NOTCH3: variants seen among roughly 807,000 people sequenced by gnomAD.
The protein encoded by NOTCH3 is neurogenic locus notch homolog protein 3.
NOTCH3 carries 86 observed loss-of-function variants against 213.3 expected under a neutral mutation model. The ratio of observed to expected loss-of-function variants is 0.40; its 90% CI spans 0.34 to 0.48. The LOEUF (loss-of-function observed/expected upper bound fraction) is 0.48. Among genes scored for constraint, NOTCH3 ranks in the 20% least tolerant of loss-of-function variants. The probability of loss-of-function intolerance (pLI) is 0.57; values close to 1 mark genes in which losing one functional copy is unlikely to be tolerated. For synonymous variants in NOTCH3, 1,354 were observed against 1,355.9 expected (o/e 1.00, Z 0.03); for missense variants, 2,783 against 3,272.6 (o/e 0.85, Z 3.65).
At position 15,177,906 on chromosome 19, in the gene NOTCH3, G is replaced by T; in HGVS notation, c.4022C>A (p.Ala1341Asp). 3.1e-6 allele frequency: 4 copies of T among 1,271,100 alleles called. No individual in the cohort carries two copies. The highest frequency in any genetic ancestry group is 4.0e-6 in the Non-Finnish European group (4 of 1,012,260). The allele number at this position is 1,271,100 out of a possible 1,614,324, so 78.7% of individuals were successfully genotyped here. The change falls in exon 24 of 33, where the codon GCC becomes GAC. Residue 1341 changes from alanine (A) to aspartate (D), a missense_variant. Transcript: ENST00000263388. ...PPGASNASCA[A>D]APCLHGGSCR... ...GGAGCCCCCGTGGAGACAGGGGGCG[G>T]CCGCGCAGCTGGCGTTGCTGGCCCC...
intron 2 of NOTCH3, among the ~76,000 whole-genome samples, chr19:15,193,995 T>C (rs935798287): frequency 1.3e-5 from 2 of 151,406 alleles, no homozygotes; most frequent in African/African-American, 4.9e-5. Flanking sequence ...GACAGAAGAA[T>C]TGCTTGAACC....
Position 15,174,471 on chromosome 19 carries a change from C to T in NOTCH3, c.4404-71G>A, listed in dbSNP as rs556931418. 1,991 of 1,130,470 alleles carry T rather than the reference C, an allele frequency of 1.8e-3. 25 individuals are homozygous for T. In the African/African-American group the frequency reaches 0.026, roughly 15 times the overall value. The allele number at this position is 1,130,470 out of a possible 1,614,324, so 70.0% of individuals were successfully genotyped here. On this transcript the variant is annotated intron_variant, in intron 24 of 32. Coordinates refer to ENST00000263388, the MANE Select transcript of NOTCH3 (RefSeq NM_000435.3). The stretch of plus-strand genomic sequence containing the variant: ...AGGAGACAATCCCCTTCCATGCATT[C>T]ACACCGTAGAGTACAGAGACTCCAG...
rs2145392023 is a variant in NOTCH3 at position 15,165,867 on chromosome 19, C to T, written c.5587G>A (p.Ala1863Thr). 1 of 1,614,026 alleles carries T rather than the reference C, an allele frequency of 6.2e-7. No individual in the cohort carries two copies. The highest frequency in any genetic ancestry group is 1.3e-5 in the African/African-American group (1 of 75,016). ...DAAKRLLDAG[A>T]DTNAQDHSGR... is the part of the protein sequence containing the mutation. ...GAGTGGTCCTGGGCATTGGTGTCTG[C>T]CCCAGCATCCAGCAGCCGCTTGGCT... The change falls in exon 30 of 33, where the codon GCA becomes ACA. Residue 1863 changes from alanine to threonine, a missense_variant. Physicochemically the swap from Ala to Thr is moderately conservative, Grantham distance 58. This residue lies in a region of NOTCH3 where 636 missense variants were observed against 801.8 expected (regional missense o/e 0.79). Coordinates refer to ENST00000263388, the MANE Select transcript of NOTCH3 (RefSeq NM_000435.3). This position sits in a 1 kb window ranked among gnomAD's most constrained non-coding sequence, Gnocchi z 4.7.
chr19:15,194,355 G>A (rs887880087), intron 2 of NOTCH3, among the ~76,000 whole-genome samples: 1 of 152,186 alleles, frequency 6.6e-6, no homozygotes, highest in African/African-American at 2.4e-5. Flanking sequence ...AACGTCTGGA[G>A]CCACCAGAAG....
chr19:15,161,327 G>T lies in NOTCH3; in HGVS notation c.6301C>A (p.Pro2101Thr). The T allele has an allele frequency of 6.6e-7, 1 of 1,525,642 alleles. No homozygotes were observed. 94.5% of individuals were successfully genotyped at this position (1,525,642 alleles called of 1,614,324 possible). Residue 2101 changes from proline to threonine, a missense_variant, in exon 33 of 33, where the codon CCC becomes ACC. Pro to Thr is a conservative substitution (Grantham distance 38). Transcript: ENST00000263388. ...CGCGGGGAGTCCAGCGAGTCCACGGGCGACAGCGTGACCGAGCTGTCAGCC... is the reference window on the plus strand; with the variant it reads ...CGCGGGGAGTCCAGCGAGTCCACGGTCGACAGCGTGACCGAGCTGTCAGCC... Reference protein sequence around the residue: ...PLADSSVTLSPVDSLDSPRPF... With the variant: ...PLADSSVTLSTVDSLDSPRPF...
At position 15,180,318 on chromosome 19, in the gene NOTCH3, T is replaced by G. The variant is rs1043152000; in HGVS notation, c.3143-62A>C. 4.5e-6 allele frequency: 7 copies of G among 1,552,210 alleles called. No homozygotes were observed. In the Admixed American group the frequency reaches 8.6e-5, roughly 19 times the overall value. ...CCCATACATCCCCCTTCTGCCTCCATCACACAGATCATTCAACATCCTTGG... is the reference window on the plus strand; with the variant it reads ...CCCATACATCCCCCTTCTGCCTCCAGCACACAGATCATTCAACATCCTTGG... On this transcript the variant is annotated intron_variant, in intron 19 of 32. Transcript: ENST00000263388.
In NOTCH3 at chr19:15,181,103, C is replaced by T. The variant is rs1451498063; in HGVS notation, c.2852G>A (p.Arg951His). ...DGVNSFSCLC[R>H]PGYTGAHCQH... ...GCAGTGGGCTCCTGTGTAGCCGGGA[C>T]GGCACAGGCAGCTGAACGAGTTCAC... is the stretch of plus-strand genomic sequence containing the variant. The change falls in exon 18 of 33, where the codon CGT becomes CAT. Residue 951 changes from arginine to histidine, a missense_variant. By Grantham distance (29) the Arg-to-His change is conservative. Coordinates refer to ENST00000263388, the MANE Select transcript of NOTCH3 (RefSeq NM_000435.3). 4 of 1,609,652 alleles carry T rather than the reference C, an allele frequency of 2.5e-6. No individual in the cohort carries two copies. The South Asian group carries it at 3.3e-5, about 13-fold the overall frequency.
In NOTCH3 at chr19:15,180,146, C is replaced by G. The variant is rs1345935319; in HGVS notation, c.3253G>C (p.Val1085Leu). 6.2e-7 allele frequency: 1 copy of G among 1,613,122 alleles called. No individual in the cohort carries two copies. The highest frequency in any genetic ancestry group is 8.5e-7 in the Non-Finnish European group (1 of 1,179,652). The change falls in exon 20 of 33, where the codon GTG becomes CTG. Residue 1085 changes from valine (V) to leucine (L), a missense_variant. Physicochemically the swap from Val to Leu is conservative, Grantham distance 32 (BLOSUM62 1). This residue lies in a region of NOTCH3 where 861 missense variants were observed against 909.1 expected (regional missense o/e 0.95). Coordinates refer to ENST00000263388, the MANE Select transcript of NOTCH3 (RefSeq NM_000435.3). The stretch of plus-strand genomic sequence containing the variant: ...CAGGGCTGGGCCAAGCAGGGGTCCA[C>G]CTCCTGCTCACAGTGGCTACCAGTA... ...GRTGSHCEQE[V>L]DPCLAQPCQH...
At position 15,187,990 on chromosome 19, in the gene NOTCH3, G is replaced by A; in HGVS notation, c.1497C>T (p.Phe499=). 6.4e-7 allele frequency: 1 copy of A among 1,551,112 alleles called. No individual in the cohort carries two copies. The highest frequency in any genetic ancestry group is 8.7e-7 in the Non-Finnish European group (1 of 1,146,844). ...NGFSCTCPSG[F]SGSTCQLDVD... ...CGTCCAGCTGACACGTGGAGCCGCT[G>A]AAGCCTGGGGTGGGGAGTGGGATGA... is the stretch of plus-strand genomic sequence containing the variant. Residue 499 remains phenylalanine (F), a synonymous_variant, in exon 10 of 33, where the codon TTC becomes TTT. Transcript: ENST00000263388.
intron 16 of NOTCH3, among the ~76,000 whole-genome samples, chr19:15,182,536 T>C (rs1159548011): frequency 6.6e-6 from 1 of 151,950 alleles, no homozygotes; most frequent in African/African-American, 2.4e-5. Flanking sequence ...ATGTAAAATA[T>C]CTCATTAACA....
chr19:15,162,593 C>T (rs1465685035), intron 31 of NOTCH3, 31 bp from the exon 32 acceptor site: 76 of 1,573,556 alleles, frequency 4.8e-5, no homozygotes, highest in Non-Finnish European at 1.6e-5. Flanking sequence ...AGGTCAGGAC[C>T]AGGCACCTGT....
intron 32 of NOTCH3, chr19:15,162,235 A>ACCTCC (rs1299670411): frequency 7.4e-6 from 4 of 543,912 alleles, no homozygotes; most frequent in Non-Finnish European, 1.3e-5. Context: ...ACCCATCTCG[A>ACCTCC]CCTCCCAAAG....
At position 15,185,205 on chromosome 19, in the gene NOTCH3, TGAG is replaced by T. The variant is rs1182958285; in HGVS notation, c.2296+49_2296+51del. ...AGGAGAGAGTAGAGGAGAAGAGAGA[TGAG>T]AAGGCCCATGGTGTTGGTGGGGCTG... is the stretch of plus-strand genomic sequence containing the variant. On this transcript the variant is annotated intron_variant, in intron 14 of 32. Transcript: ENST00000263388. This position sits in a 1 kb window ranked among gnomAD's most constrained non-coding sequence, Gnocchi z 4.2. 68 of 1,597,372 alleles carry T rather than the reference TGAG, an allele frequency of 4.3e-5. No individual in the cohort carries two copies. The highest frequency in any genetic ancestry group is 8.4e-5 in the Admixed American group (5 of 59,860).
chr19:15,180,070 A>C lies in NOTCH3; in HGVS notation c.3327+2T>G. ...TCCCTCTCCTGGGGAGCGCCCCCTT[A>C]CCTCACACATGTAGCCCCCCATATA... On this transcript the variant is annotated splice_donor_variant, in intron 20 of 32. Transcript: ENST00000263388. LOFTEE classifies it high-confidence loss of function. The C allele has an allele frequency of 6.2e-7, 1 of 1,601,588 alleles. No individual in the cohort carries two copies.
In NOTCH3 at chr19:15,178,909, C is replaced by G. The variant is rs369213011; in HGVS notation, c.3751G>C (p.Glu1251Gln). ...CCTCCATGCTGGCATGGCTGGGACTCGCAGGGAGACAGGACAGTCTGACAG... is the reference window on the plus strand; with the variant it reads ...CCTCCATGCTGGCATGGCTGGGACTGGCAGGGAGACAGGACAGTCTGACAG... ...PRCQTVLSPC[E>Q]SQPCQHGGQC... is the part of the protein sequence containing the mutation. The change falls in exon 23 of 33, where the codon GAG becomes CAG. Residue 1251 changes from glutamate to glutamine, a missense_variant. Transcript: ENST00000263388. 7 of 1,613,246 alleles carry G rather than the reference C, an allele frequency of 4.3e-6. No individual in the cohort carries two copies. Among genetic ancestry groups the G allele is most frequent in the Non-Finnish European group, 5.9e-6 (7 of 1,179,696 alleles).
chr19:15,194,422 C>A (rs2046954024), intron 2 of NOTCH3, among the ~76,000 whole-genome samples: 1 of 152,188 alleles, frequency 6.6e-6, no homozygotes, highest in African/African-American at 2.4e-5. Flanking sequence ...CTGCCGATAT[C>A]TTGATTTCAG....
chr19:15,179,386 G>A lies in NOTCH3; in HGVS notation c.3438C>T (p.Cys1146=), dbSNP rs2145418868. ...TACCCAGCGTTCCTGGGGGACAGGAGCAGAGATAGCGGGCCACGAGGTCAA... is the reference window on the plus strand; with the variant it reads ...TACCCAGCGTTCCTGGGGGACAGGAACAGAGATAGCGGGCCACGAGGTCAA... ...SCIDLVARYL[C]SCPPGTLGVL... is the part of the protein sequence containing the mutation. The change falls in exon 21 of 33, where the codon TGC becomes TGT. Residue 1146 remains cysteine (C), a synonymous_variant. Transcript: ENST00000263388. 2 of 1,614,088 alleles carry A rather than the reference G, an allele frequency of 1.2e-6. No individual in the cohort carries two copies. Among genetic ancestry groups the A allele is most frequent in the Non-Finnish European group, 8.5e-7 (1 of 1,180,032 alleles).
At chr19:15,169,253 G>A (rs1467554208) in intron 28 of NOTCH3, among the ~76,000 whole-genome samples, 1 of 151,092 alleles carries the variant, frequency 6.6e-6, no homozygotes, top group South Asian at 2.1e-4. Flanking sequence ...ACAGAGGAAA[G>A]GCCATGTGAG....
Position 15,165,866 on chromosome 19 carries a change from G to A in NOTCH3, c.5588C>T (p.Ala1863Val), listed in dbSNP as rs762208812. The A allele has an allele frequency of 6.2e-7, 1 of 1,614,048 alleles. No homozygotes were observed. Among genetic ancestry groups the A allele is most frequent in the Non-Finnish European group, 8.5e-7 (1 of 1,180,008 alleles). The change falls in exon 30 of 33, where the codon GCA (alanine) becomes GTA (valine). Residue 1863 changes from alanine (A) to valine (V), a missense_variant. This residue lies in a region of NOTCH3 where 636 missense variants were observed against 801.8 expected (regional missense o/e 0.79). Transcript: ENST00000263388. This position sits in a 1 kb window ranked among gnomAD's most constrained non-coding sequence, Gnocchi z 4.7. ...DAAKRLLDAG[A>V]DTNAQDHSGR... ...TGAGTGGTCCTGGGCATTGGTGTCT[G>A]CCCCAGCATCCAGCAGCCGCTTGGC...
Sources: allele counts gnomAD v4.1 joint callset (sites outside exome capture counted in the v4.1 genomes callset), GRCh38; gene constraint gnomAD v4.1.1; regional missense constraint gnomAD v4.1.1; non-coding constraint Gnocchi (gnomAD v3.1); transcripts MANE v1.5; gene names NCBI Gene and HGNC (gene_info 2026-07-23, HGNC 2026-07-21).